AFG2A: variants seen among roughly 807,000 people sequenced by gnomAD.
AFG2A encodes the protein AAA ATPase AFG2A.
chr4:122,964,582 A>G, the AFG2A span, among the ~76,000 whole-genome samples: 3 of 152,126 alleles, frequency 2.0e-5, no homozygotes, highest in African/African-American at 4.8e-5. Flanking sequence ...AATTTAGTAC[A>G]TTCCCTTATT....
chr4:123,218,837 T>G, the AFG2A span, among the ~76,000 whole-genome samples: 13 of 152,300 alleles, frequency 8.5e-5, no homozygotes, highest in East Asian at 2.5e-3. Context: ...TTGGGGCTAT[T>G]TTTAAAATGT....
chr4:123,186,370 A>C, the AFG2A span, among the ~76,000 whole-genome samples: 14 of 152,286 alleles, frequency 9.2e-5, no homozygotes, highest in African/African-American at 3.1e-4. Context: ...TAAGTGTAAA[A>C]GTTTTACTTC....
chr4:122,935,569 C>G, the AFG2A span: 2 of 861,358 alleles, frequency 2.3e-6, no homozygotes, highest in Non-Finnish European at 3.3e-6. Flanking sequence ...GTTAGTACAT[C>G]TTTCTGGAGG....
chr4:123,242,639 A>G, the AFG2A span, among the ~76,000 whole-genome samples: 2 of 152,360 alleles, frequency 1.3e-5, no homozygotes, highest in East Asian at 1.9e-4. Context: ...CTAAAACCAT[A>G]AAAACCCTAG....
the AFG2A span, chr4:122,933,394 G>C: frequency 6.8e-7 from 1 of 1,475,676 alleles, no homozygotes; most frequent in Non-Finnish European, 9.4e-7. Context: ...TTTAGTTTCT[G>C]GTGTACCTAA....
chr4:123,266,552 A>T, the AFG2A span, among the ~76,000 whole-genome samples: 1 of 151,930 alleles, frequency 6.6e-6, no homozygotes, highest in Non-Finnish European at 1.5e-5. Flanking sequence ...TTTAGTTTTA[A>T]TGGTGTGTTC....
chr4:123,181,869 A>G, the AFG2A span, among the ~76,000 whole-genome samples: 1 of 152,276 alleles, frequency 6.6e-6, no homozygotes, highest in Middle Eastern at 3.4e-3. Context: ...TTTGTTTTCT[A>G]ATTTTAGATA....
chr4:123,012,204 G>T, the AFG2A span, among the ~76,000 whole-genome samples: 1 of 135,672 alleles, frequency 7.4e-6, no homozygotes, highest in African/African-American at 2.8e-5. Flanking sequence ...GGGGGCGCTT[G>T]TCCCCCAGGA....
the AFG2A span, among the ~76,000 whole-genome samples, chr4:122,960,494 T>C: frequency 2.0e-4 from 30 of 152,298 alleles, no homozygotes; most frequent in African/African-American, 6.7e-4. Context: ...CTTCAAGAAG[T>C]GGACTTAGTC....
the AFG2A span, among the ~76,000 whole-genome samples, chr4:122,975,408 C>CAAA: frequency 6.6e-6 from 1 of 152,106 alleles, no homozygotes; most frequent in Admixed American, 6.5e-5. Context: ...TTGGAGGAGA[C>CAAA]AAAAACATTC....
the AFG2A span, among the ~76,000 whole-genome samples, chr4:123,280,419 C>T: frequency 6.6e-6 from 1 of 152,118 alleles, no homozygotes; most frequent in Non-Finnish European, 1.5e-5. Flanking sequence ...AACAAATTGC[C>T]ATACACATAG....
the AFG2A span, among the ~76,000 whole-genome samples, chr4:123,261,429 A>C: frequency 5.3e-5 from 8 of 152,256 alleles, no homozygotes; most frequent in East Asian, 1.4e-3. Context: ...CAACAACAAA[A>C]AGTACAAATT....
the AFG2A span, among the ~76,000 whole-genome samples, chr4:123,040,185 A>G: frequency 6.6e-6 from 1 of 151,982 alleles, no homozygotes; most frequent in Non-Finnish European, 1.5e-5. Flanking sequence ...ATAGTTTGAA[A>G]TTGCTTTTTT....
At chr4:122,979,261 A>C in the AFG2A span, 1 of 1,614,146 alleles carries the variant, frequency 6.2e-7, no homozygotes, top group Non-Finnish European at 8.5e-7. Context: ...AATCCTGAAA[A>C]AACAGCCTAA....
chr4:123,168,691 C>G, the AFG2A span, among the ~76,000 whole-genome samples: 3 of 152,108 alleles, frequency 2.0e-5, no homozygotes, highest in Admixed American at 6.5e-5. Flanking sequence ...GCATTTTATC[C>G]TTTTGTAAGT....
chr4:123,174,289 A>G, the AFG2A span, among the ~76,000 whole-genome samples: 5 of 152,338 alleles, frequency 3.3e-5, no homozygotes, highest in East Asian at 9.6e-4. Context: ...AGCTTTATGG[A>G]ACAAATTACA....
the AFG2A span, among the ~76,000 whole-genome samples, chr4:123,305,882 CT>C: frequency 0.021 from 3,194 of 152,260 alleles, 61 homozygotes; most frequent in Non-Finnish European, 0.035. Flanking sequence ...AGACATTGTT[CT>C]TATTCTTCAT....
At chr4:123,258,858 CTTTTTTTTTT>C in the AFG2A span, among the ~76,000 whole-genome samples, 1 of 90,316 alleles carries the variant, frequency 1.1e-5, no homozygotes, top group Non-Finnish European at 2.1e-5. Flanking sequence ...GATACTGGTA[CTTTTTTTTTT>C]TTTTTTTTTT....
At chr4:123,117,256 G>C in the AFG2A span, among the ~76,000 whole-genome samples, 1 of 151,958 alleles carries the variant, frequency 6.6e-6, no homozygotes, top group East Asian at 1.9e-4. Context: ...AGGAGCTCTT[G>C]AACCTCCGTT....
Sources: gnomAD v4.1 joint callset for allele counts (sites outside exome capture counted in the v4.1 genomes callset) on GRCh38, gnomAD v4.1.1 for gene constraint, MANE v1.5 for transcripts, NCBI Gene and HGNC (gene_info 2026-07-23, HGNC 2026-07-21) for gene names.